CAST: variants seen among roughly 807,000 people sequenced by gnomAD.
CAST encodes MIR583 host.
In CAST, 76 loss-of-function variants were observed where a neutral mutation model predicts 119.6. That is an observed-to-expected ratio of 0.64 (90% confidence interval 0.53 to 0.77). The LOEUF (loss-of-function observed/expected upper bound fraction) is 0.77. Among genes scored for constraint, CAST ranks in the 30% least tolerant of loss-of-function variants. The pLI is 0.00. For synonymous variants in CAST, 319 were observed against 331.6 expected (o/e 0.96, Z 0.41); for missense variants, 953 against 946.5 (o/e 1.01, Z -0.09).
the CAST span, among the ~76,000 whole-genome samples, chr5:96,431,150 C>T: frequency 6.6e-6 from 1 of 152,150 alleles, no homozygotes; most frequent in African/African-American, 2.4e-5. Context: ...TCCACAGTAC[C>T]CACCAGCACA....
chr5:96,390,594 T>C, the CAST span: 22 of 152,780 alleles, frequency 1.4e-4, no homozygotes, highest in African/African-American at 5.0e-4. Flanking sequence ...AAATATTTTA[T>C]TGGGTGAAAC....
At chr5:96,746,310 A>C (rs371058549) in intron 16 of CAST, 32 bp from the exon 17 acceptor site, 1 of 1,245,572 alleles carries the variant, frequency 8.0e-7, no homozygotes, top group South Asian at 1.2e-5. Context: ...GCATTATCCA[A>C]CTACTTTTTT....
the CAST span, among the ~76,000 whole-genome samples, chr5:96,453,656 TC>T: frequency 7.4e-4 from 112 of 152,320 alleles, 1 homozygote; most frequent in African/African-American, 2.6e-3. Flanking sequence ...AATGTTTAGC[TC>T]AGTCTGCATG....
chr5:96,198,137 G>A, the CAST span, among the ~76,000 whole-genome samples: 11 of 152,276 alleles, frequency 7.2e-5, no homozygotes, highest in Admixed American at 2.0e-4. Flanking sequence ...TTGGCAATCT[G>A]TAGAGAAGGC....
chr5:96,678,660 T>C (rs1379218609), intron 2 of CAST, among the ~76,000 whole-genome samples: 1 of 152,054 alleles, frequency 6.6e-6, no homozygotes, highest in Non-Finnish European at 1.5e-5. Flanking sequence ...CTGGCTAAAA[T>C]GGTGAAACTC....
chr5:96,074,619 G>A, the CAST span, among the ~76,000 whole-genome samples: 1 of 152,214 alleles, frequency 6.6e-6, no homozygotes, highest in African/African-American at 2.4e-5. Context: ...AGTACAGGTG[G>A]GAAGTTTCCA....
intron 16 of CAST, among the ~76,000 whole-genome samples, 184 bp from the exon 17 acceptor site, chr5:96,746,158 C>T (rs556496883): frequency 3.3e-5 from 5 of 152,334 alleles, no homozygotes; most frequent in African/African-American, 2.4e-5. Flanking sequence ...TGCTCAGTCA[C>T]CCACTGCTCC....
At chr5:96,346,452 T>A in the CAST span, among the ~76,000 whole-genome samples, 1 of 152,172 alleles carries the variant, frequency 6.6e-6, no homozygotes, top group Admixed American at 6.6e-5. Flanking sequence ...TTGAAGCCTG[T>A]CTTAGGTCCA....
At chr5:96,139,620 T>C in the CAST span, among the ~76,000 whole-genome samples, 59 of 151,464 alleles carry the variant, frequency 3.9e-4, no homozygotes, top group Middle Eastern at 6.9e-3. Context: ...AGTTGCTGTA[T>C]TTTTTTCATT....
chr5:95,998,309 T>C, the CAST span, among the ~76,000 whole-genome samples: 1 of 151,950 alleles, frequency 6.6e-6, no homozygotes, highest in Non-Finnish European at 1.5e-5. Context: ...ATTTCTTATA[T>C]GCATATATTG....
upstream of CAST, among the ~76,000 whole-genome samples, chr5:96,659,241 A>G (rs1748209985): frequency 6.6e-6 from 1 of 152,264 alleles, no homozygotes; most frequent in African/African-American, 2.4e-5. Flanking sequence ...CATGAGGTGA[A>G]CACACATGCT....
At chr5:96,121,171 C>T in the CAST span, among the ~76,000 whole-genome samples, 2 of 152,046 alleles carry the variant, frequency 1.3e-5, no homozygotes, top group African/African-American at 2.4e-5. Context: ...TTCAAAAGGG[C>T]GTAGTGTTCA....
the CAST span, among the ~76,000 whole-genome samples, chr5:95,976,340 A>C: frequency 6.6e-6 from 1 of 151,928 alleles, no homozygotes; most frequent in South Asian, 2.1e-4. Flanking sequence ...GATATAAACT[A>C]GTTCTGTGTT....
the CAST span, among the ~76,000 whole-genome samples, chr5:96,353,218 C>G: frequency 1.2e-4 from 18 of 152,092 alleles, no homozygotes; most frequent in Non-Finnish European, 2.4e-4. Flanking sequence ...TGAACAATAA[C>G]CATACTTTTT....
At chr5:96,187,163 G>T in the CAST span, among the ~76,000 whole-genome samples, 1 of 152,048 alleles carries the variant, frequency 6.6e-6, no homozygotes, top group Admixed American at 6.6e-5. Context: ...TTCTCTAATA[G>T]TTGTTTGTAT....
At chr5:96,222,217 A>G in the CAST span, among the ~76,000 whole-genome samples, 4 of 152,172 alleles carry the variant, frequency 2.6e-5, no homozygotes, top group Non-Finnish European at 5.9e-5. Flanking sequence ...TATTATGGCT[A>G]AGACCTCAAA....
At chr5:96,756,247 C>T (rs142724261) in intron 22 of CAST, among the ~76,000 whole-genome samples, 2 of 152,200 alleles carry the variant, frequency 1.3e-5, no homozygotes, top group African/African-American at 4.8e-5. Flanking sequence ...GATGGAAAAT[C>T]GATTTCAGTT....
At chr5:96,599,974 A>AAAAAAAAG (rs1554070021) in intron 1 of CAST, among the ~76,000 whole-genome samples, 3 of 125,736 alleles carry the variant, frequency 2.4e-5, no homozygotes, top group East Asian at 7.9e-4. Context: ...GGCAAAAAAA[A>AAAAAAAAG]AAAAAAAAAC....
the CAST span, among the ~76,000 whole-genome samples, chr5:96,187,407 G>A: frequency 1.3e-5 from 2 of 151,712 alleles, no homozygotes; most frequent in East Asian, 1.9e-4. Context: ...GTTTTCTCTC[G>A]GTTCTCTAGT....
Sources: allele counts gnomAD v4.1 joint callset (sites outside exome capture counted in the v4.1 genomes callset), GRCh38; gene constraint gnomAD v4.1.1; transcripts MANE v1.5; gene names NCBI Gene and HGNC (gene_info 2026-07-23, HGNC 2026-07-21).